The following PLCB1 variants were observed in gnomAD, a reference collection of about 807,000 sequenced individuals.
PLCB1 encodes 1-phosphatidylinositol 4,5-bisphosphate phosphodiesterase beta-1.
PLCB1 carries 46 observed loss-of-function variants against 161.8 expected under a neutral mutation model. The observed-to-expected ratio is 0.28, with a 90% CI of 0.22 to 0.36. The LOEUF is 0.36. Among genes scored for constraint, PLCB1 ranks in the 10% least tolerant of loss-of-function variants. The pLI, the probability that PLCB1 is intolerant of heterozygous loss-of-function variation, is 1.00. For synonymous variants in PLCB1, 517 were observed against 503.7 expected (o/e 1.03, Z -0.35); for missense variants, 1,016 against 1,472.5 (o/e 0.69, Z 5.07).
intron 2 of PLCB1, among the ~76,000 whole-genome samples, chr20:8,209,429 G>A (rs1326272037): frequency 6.6e-6 from 1 of 152,048 alleles, no homozygotes; most frequent in East Asian, 1.9e-4. Flanking sequence ...CAAACAATTG[G>A]TATTGTAAAA....
chr20:8,262,976 A>G (rs1475252802), intron 2 of PLCB1, among the ~76,000 whole-genome samples: 2 of 152,166 alleles, frequency 1.3e-5, no homozygotes, highest in Admixed American at 1.3e-4. Flanking sequence ...CAAAGGCCCC[A>G]CCTCTAAATA....
chr20:8,426,451 T>C (rs1258034915), intron 3 of PLCB1, among the ~76,000 whole-genome samples: 1 of 152,178 alleles, frequency 6.6e-6, no homozygotes, highest in Non-Finnish European at 1.5e-5. Context: ...AAATTGAAGC[T>C]CAGAATGGAA....
chr20:8,602,354 TA>T (rs1280843918), intron 3 of PLCB1, among the ~76,000 whole-genome samples: 5 of 152,170 alleles, frequency 3.3e-5, no homozygotes, highest in African/African-American at 1.2e-4. Context: ...AGATATTAAT[TA>T]AAATAGGCTT....
chr20:8,548,407 C>T (rs1985646957), intron 3 of PLCB1, among the ~76,000 whole-genome samples: 1 of 146,132 alleles, frequency 6.8e-6, no homozygotes, highest in South Asian at 2.2e-4. Context: ...TCCCCTCCCT[C>T]CCCTTCTTTC....
intron 2 of PLCB1, among the ~76,000 whole-genome samples, chr20:8,327,960 T>G (rs1985223763): frequency 6.6e-6 from 1 of 152,138 alleles, no homozygotes; most frequent in East Asian, 1.9e-4. Context: ...CATGCTTATA[T>G]ACATATATGC....
rs193030570 is a variant in PLCB1, at chr20:8,261,158, T to G, written c.178-110224T>G. Among the ~76,000 whole-genome samples the G allele has an allele frequency of 3.7e-4, 56 of 152,208 alleles. 1 individual carries two copies. The highest frequency in any genetic ancestry group is 1.3e-3 in the African/African-American group (55 of 41,530). ...TTTTAGAGGGTTCTTCTGAGAGCAC[T>G]TCCTCAAAAATCATTTGCACAAGAA... On this transcript the variant is annotated intron_variant, in intron 2 of 31. Transcript: ENST00000338037.
At chr20:8,833,293 A>G (rs1325356145) in intron 31 of PLCB1, among the ~76,000 whole-genome samples, 1 of 152,244 alleles carries the variant, frequency 6.6e-6, no homozygotes, top group Non-Finnish European at 1.5e-5. Context: ...TTACATGACG[A>G]CAGGCAAAAG....
Position 8,431,437 on chromosome 20 carries a change from C to T in PLCB1, c.246+59987C>T, listed in dbSNP as rs536834131. 4.6e-3 allele frequency among the ~76,000 whole-genome samples: 701 copies of T among 152,174 alleles called. 8 individuals carry two copies. The highest frequency in any genetic ancestry group is 0.015 in the African/African-American group (641 of 41,516). ...AGAGGGAGAGGGAAAAGAATTCTTT[C>T]GGACAAAATGTATCAAATGTTTGAC... On this transcript the variant is annotated intron_variant, in intron 3 of 31. Transcript: ENST00000338037.
At chr20:8,684,895 A>T in intron 9 of PLCB1, 37 bp from the exon 10 acceptor site, 1 of 1,560,626 alleles carries the variant, frequency 6.4e-7, no homozygotes. Flanking sequence ...CCCATAAAAG[A>T]ATGCATTCAC....
At chr20:8,717,126 A>C (rs1042772786) in intron 13 of PLCB1, among the ~76,000 whole-genome samples, 2 of 152,212 alleles carry the variant, frequency 1.3e-5, no homozygotes, top group African/African-American at 2.4e-5. Flanking sequence ...CTTGAATCTT[A>C]GGGCTGGGAG....
At chr20:8,498,437 A>G (rs1453041457) in intron 3 of PLCB1, among the ~76,000 whole-genome samples, 2 of 152,212 alleles carry the variant, frequency 1.3e-5, no homozygotes, top group Non-Finnish European at 2.9e-5. Flanking sequence ...ATTATATAAA[A>G]TTGATATTAT....
Position 8,274,832 on chromosome 20 carries a change from A to G in PLCB1, c.178-96550A>G, listed in dbSNP as rs373547324. Among the ~76,000 whole-genome samples the G allele has an allele frequency of 3.3e-5, 5 of 152,264 alleles. No homozygotes were observed. In the East Asian group the frequency reaches 5.8e-4, roughly 18 times the overall value. On this transcript the variant is annotated intron_variant, in intron 2 of 31. Transcript: ENST00000338037. ...CATTGCTCCATGGGCTTCTAGCACT[A>G]AATATTGCTGTGCAGAAGTCTGAGG...
At chr20:8,680,712 A>T (rs1264000305) in intron 9 of PLCB1, among the ~76,000 whole-genome samples, 1 of 152,098 alleles carries the variant, frequency 6.6e-6, no homozygotes, top group Non-Finnish European at 1.5e-5. Flanking sequence ...AGTTTAGGTA[A>T]ATTCCTTCAC....
intron 31 of PLCB1, among the ~76,000 whole-genome samples, chr20:8,850,307 C>A (rs1986845080): frequency 6.6e-6 from 1 of 152,152 alleles, no homozygotes; most frequent in Non-Finnish European, 1.5e-5. Context: ...TGTGTTCATG[C>A]ATGTAAGACG....
intron 2 of PLCB1, among the ~76,000 whole-genome samples, chr20:8,348,396 A>C (rs1986065964): frequency 6.6e-6 from 1 of 152,172 alleles, no homozygotes; most frequent in African/African-American, 2.4e-5. Flanking sequence ...CTCTGAGCTA[A>C]ATTCTGGCAA....
chr20:8,236,127 T>C (rs939024971), intron 2 of PLCB1, among the ~76,000 whole-genome samples: 8 of 152,176 alleles, frequency 5.3e-5, no homozygotes, highest in Admixed American at 4.6e-4. Context: ...GAGGGAATTA[T>C]GCCAACCAAA....
rs1990261606 is a variant in PLCB1 at position 8,683,140 on chromosome 20, A to G, written c.863-1792A>G. Reference sequence around the variant, plus strand: ...GTTCATAATATATTGCTCAGTTAATACAAAGGTTACTAAATTATATATATA... The same window carrying G: ...GTTCATAATATATTGCTCAGTTAATGCAAAGGTTACTAAATTATATATATA... On this transcript the variant is annotated intron_variant, in intron 9 of 31. Coordinates refer to ENST00000338037, the MANE Select transcript of PLCB1 (RefSeq NM_015192.4). Among the ~76,000 whole-genome samples the G allele has an allele frequency of 2.0e-5, 3 of 151,960 alleles. No individual in the cohort carries two copies. The South Asian group carries it at 6.2e-4, about 31-fold the overall frequency.
intron 7 of PLCB1, chr20:8,651,397 C>A (rs1314781903): frequency 1.4e-6 from 1 of 715,836 alleles, no homozygotes; most frequent in Non-Finnish European, 2.6e-6. Flanking sequence ...TCTTCACTAT[C>A]ACCTTTCTTC....
chr20:8,481,468 C>T (rs1982495985), intron 3 of PLCB1, among the ~76,000 whole-genome samples: 1 of 152,156 alleles, frequency 6.6e-6, no homozygotes, highest in African/African-American at 2.4e-5. Context: ...GCTACTTGCT[C>T]TGCAGAGTAT....
Sources: gnomAD v4.1 joint callset for allele counts (sites outside exome capture counted in the v4.1 genomes callset) on GRCh38, gnomAD v4.1.1 for gene constraint, MANE v1.5 for transcripts, NCBI Gene and HGNC (gene_info 2026-07-23, HGNC 2026-07-21) for gene names.